CTDSPL: variants seen among roughly 807,000 people sequenced by gnomAD.
CTDSPL encodes CTD small phosphatase like.
In CTDSPL, 8 loss-of-function variants were observed where a neutral mutation model predicts 30.5. The observed-to-expected ratio is 0.26, with a 90% confidence interval of 0.15 to 0.47. The LOEUF (loss-of-function observed/expected upper bound fraction) is 0.47, where lower values mean the gene tolerates loss of function less well. Among genes scored for constraint, CTDSPL ranks in the 20% least tolerant of loss-of-function variants. The probability of loss-of-function intolerance (pLI) is 0.99; values close to 1 mark genes in which losing one functional copy is unlikely to be tolerated. For missense variants in CTDSPL, 248 were observed against 366.1 expected, an observed-to-expected ratio of 0.68 and a Z score of 2.63; for synonymous variants, 110 against 137.9, an observed-to-expected ratio of 0.80 and a Z score of 1.42.
chr3:37,906,064 GT>G (rs1698511651), intron 1 of CTDSPL, among the ~76,000 whole-genome samples: 1 of 152,168 alleles, frequency 6.6e-6, no homozygotes, highest in African/African-American at 2.4e-5. Context: ...GTTAGTTCTT[GT>G]GCCGGATGTT....
At chr3:37,894,265 T>A (rs1304648124) in intron 1 of CTDSPL, among the ~76,000 whole-genome samples, 8 of 133,528 alleles carry the variant, frequency 6.0e-5, no homozygotes, top group Admixed American at 5.8e-4. Flanking sequence ...AAAAAGTTAT[T>A]TTTTTTTTTT....
chr3:37,884,547 A>G lies in CTDSPL; in HGVS notation c.79+22269A>G, dbSNP rs530978551. On this transcript the variant is annotated intron_variant, in intron 1 of 7. Coordinates refer to ENST00000273179, the MANE Select transcript of CTDSPL (RefSeq NM_001008392.2). ...TTTCTAAAGATCTTAGCAGTTTGCA[A>G]GATGAGAGGGTGGTAGGGGAGGAGA... Among the ~76,000 whole-genome samples, 3 of 152,356 alleles carry G rather than the reference A, an allele frequency of 2.0e-5. No homozygotes were observed. The East Asian group carries it at 5.8e-4, about 29-fold the overall frequency.
Position 37,981,540 on chromosome 3 carries a change from C to T in CTDSPL, c.*673C>T. ...GGATTTCATGACTATGTCATTGTCT[C>T]CACTCATTTTTGACCCAGTTTGGAA... On this transcript the variant is annotated 3_prime_UTR_variant, in exon 8 of 8. Coordinates refer to ENST00000273179, the MANE Select transcript of CTDSPL (RefSeq NM_001008392.2). 1 of 259,628 alleles carries T rather than the reference C, an allele frequency of 3.9e-6. No homozygotes were observed. The highest frequency in any genetic ancestry group is 3.6e-5 in the South Asian group (1 of 28,110). The allele number at this position is 259,628 out of a possible 1,614,324, so 16.1% of individuals were successfully genotyped here. A position where few individuals can be genotyped will look rare whatever the true frequency, so the allele number is the denominator to read the frequency against.
chr3:37,929,809 G>C (rs1417658493), intron 1 of CTDSPL, among the ~76,000 whole-genome samples: 1 of 152,060 alleles, frequency 6.6e-6, no homozygotes, highest in Non-Finnish European at 1.5e-5. Context: ...CCCATAATGT[G>C]TACAGTAGAA....
chr3:37,911,416 C>T (rs958947768), intron 1 of CTDSPL, among the ~76,000 whole-genome samples: 1 of 152,072 alleles, frequency 6.6e-6, no homozygotes, highest in Non-Finnish European at 1.5e-5. Flanking sequence ...TGTTACTCTG[C>T]GAAAACTGGG....
intron 1 of CTDSPL, among the ~76,000 whole-genome samples, chr3:37,864,034 G>A (rs1467345528): frequency 6.6e-6 from 1 of 152,212 alleles, no homozygotes; most frequent in African/African-American, 2.4e-5. Flanking sequence ...GGGGCTGTTA[G>A]TTCTTGGAGC....
At chr3:37,924,330 G>T (rs1468315078) in intron 1 of CTDSPL, among the ~76,000 whole-genome samples, 2 of 151,976 alleles carry the variant, frequency 1.3e-5, no homozygotes, top group African/African-American at 4.8e-5. Flanking sequence ...TTATCCACGT[G>T]TACAAGGAAA....
chr3:37,905,111 TA>T (rs1575291233), intron 1 of CTDSPL, among the ~76,000 whole-genome samples: 2 of 152,230 alleles, frequency 1.3e-5, no homozygotes, highest in South Asian at 4.1e-4. Context: ...TGAATGAATA[TA>T]AAAAGTAAAA....
chr3:37,955,067 C>T (rs754852801), intron 2 of CTDSPL: 1 of 152,198 alleles, frequency 6.6e-6, no homozygotes, highest in Non-Finnish European at 1.5e-5. Context: ...TGAAGGTGCA[C>T]CTGTGTGCAG....
intron 1 of CTDSPL, among the ~76,000 whole-genome samples, chr3:37,874,517 G>A (rs1310202129): frequency 6.6e-6 from 1 of 152,128 alleles, no homozygotes; most frequent in Non-Finnish European, 1.5e-5. Flanking sequence ...AGATCACGAG[G>A]TCAAGAGATT....
chr3:37,931,743 T>C lies in CTDSPL; in HGVS notation c.80-15314T>C, dbSNP rs546359852. Among the ~76,000 whole-genome samples the C allele has an allele frequency of 6.6e-5, 10 of 152,284 alleles. No homozygotes were observed. In the South Asian group the frequency reaches 2.1e-3, roughly 32 times the overall value. On this transcript the variant is annotated intron_variant, in intron 1 of 7. Coordinates refer to ENST00000273179, the MANE Select transcript of CTDSPL (RefSeq NM_001008392.2). ...GTAGTAATAATAATCAATTTTCAGCTGATAAACAGGGCCAATCTTAATCTT... is the reference window on the plus strand; with the variant it reads ...GTAGTAATAATAATCAATTTTCAGCCGATAAACAGGGCCAATCTTAATCTT...
intron 1 of CTDSPL, among the ~76,000 whole-genome samples, chr3:37,942,573 G>A (rs527684075): frequency 2.0e-5 from 3 of 150,338 alleles, no homozygotes; most frequent in Admixed American, 1.3e-4. Context: ...AGCCCCGGGG[G>A]TAGAGGTTGC....
At chr3:37,952,099 G>A (rs1699116841) in intron 2 of CTDSPL, among the ~76,000 whole-genome samples, 1 of 151,502 alleles carries the variant, frequency 6.6e-6, no homozygotes, top group South Asian at 2.1e-4. Context: ...ATCACTTGAG[G>A]CCTGGAGGTT....
intron 1 of CTDSPL, among the ~76,000 whole-genome samples, chr3:37,888,241 A>G (rs1318545963): frequency 6.6e-6 from 1 of 152,232 alleles, no homozygotes; most frequent in East Asian, 1.9e-4. Flanking sequence ...TATTTGTCAT[A>G]TTACCAATGT....
intron 5 of CTDSPL, among the ~76,000 whole-genome samples, chr3:37,968,622 G>A (rs1699327765): frequency 6.6e-6 from 1 of 152,202 alleles, no homozygotes; most frequent in Admixed American, 6.5e-5. Context: ...GGTCTTAAAG[G>A]GAGCGTATCT....
chr3:37,968,836 A>T (rs1238420999), intron 5 of CTDSPL, among the ~76,000 whole-genome samples: 2 of 152,222 alleles, frequency 1.3e-5, no homozygotes, highest in African/African-American at 4.8e-5. Context: ...AGGTCATACG[A>T]TGGGAAGAAT....
intron 7 of CTDSPL, among the ~76,000 whole-genome samples, chr3:37,977,637 C>G (rs781106569): frequency 6.6e-6 from 1 of 151,380 alleles, no homozygotes; most frequent in Non-Finnish European, 1.5e-5. Context: ...ACCTATAATC[C>G]CAGCACTTTG....
In CTDSPL at chr3:37,975,664, G is replaced by T. The variant is rs371953415; in HGVS notation, c.520-45G>T. On this transcript the variant is annotated intron_variant, in intron 6 of 7. Coordinates refer to ENST00000273179, the MANE Select transcript of CTDSPL (RefSeq NM_001008392.2). This position sits in a 1 kb window ranked among gnomAD's most constrained non-coding sequence, Gnocchi z 4.9. Reference sequence around the variant, plus strand: ...TGCTGCTGTAGTTCAGGGTTTGGGGGGCTCTTTTAAACACCCAGCCTTCAT... The same window carrying T: ...TGCTGCTGTAGTTCAGGGTTTGGGGTGCTCTTTTAAACACCCAGCCTTCAT... 6.5e-7 allele frequency: 1 copy of T among 1,536,840 alleles called. No homozygotes were observed. The highest frequency in any genetic ancestry group is 2.3e-5 in the East Asian group (1 of 43,732).
chr3:37,954,344 A>G (rs927963957), intron 2 of CTDSPL: 1 of 152,222 alleles, frequency 6.6e-6, no homozygotes, highest in Non-Finnish European at 1.5e-5. Context: ...AAGTGGGGTG[A>G]TACGTCATTT....
Sources: allele counts gnomAD v4.1 joint callset (sites outside exome capture counted in the v4.1 genomes callset), GRCh38; gene constraint gnomAD v4.1.1; non-coding constraint Gnocchi (gnomAD v3.1); transcripts MANE v1.5; gene names NCBI Gene and HGNC (gene_info 2026-07-23, HGNC 2026-07-21).